Variants in GRIN2B observed in about 807,000 individuals in gnomAD.
GRIN2B encodes the protein glutamate receptor ionotropic, NMDA 2B.
In GRIN2B, 5 loss-of-function variants were observed where a neutral mutation model predicts 114.5. The ratio of observed to expected loss-of-function variants is 0.04; its 90% CI spans 0.02 to 0.09. The LOEUF (loss-of-function observed/expected upper bound fraction) is 0.09. Ranked by LOEUF, GRIN2B falls within the 10% of genes least tolerant of loss-of-function variation. The probability of loss-of-function intolerance (pLI) is 1.00; values close to 1 mark genes in which losing one functional copy is unlikely to be tolerated. For synonymous variants in GRIN2B, 787 were observed against 745.1 expected (o/e 1.06, Z -0.92); for missense variants, 1,108 against 1,943.5 (o/e 0.57, Z 8.08).
chr12:13,808,002 A>G (rs74067108), intron 3 of GRIN2B, among the ~76,000 whole-genome samples: 8,928 of 152,242 alleles, frequency 0.059, 449 homozygotes, highest in African/African-American at 0.14. Flanking sequence ...TCTAGATGAC[A>G]TTACCCACTG....
chr12:13,926,341 C>A (rs1866910326), intron 2 of GRIN2B, among the ~76,000 whole-genome samples: 1 of 152,174 alleles, frequency 6.6e-6, no homozygotes, highest in Non-Finnish European at 1.5e-5. Context: ...TATTGAATCT[C>A]GGGGCTATCG....
Position 13,607,282 on chromosome 12 carries a change from TATATATTATATAAAA to T in GRIN2B, c.2010+1306_2010+1320del, listed in dbSNP as rs1405955576. Among the ~76,000 whole-genome samples the T allele has an allele frequency of 1.4e-4, 2 of 13,964 alleles. 1 individual carries two copies. The highest frequency in any genetic ancestry group is 4.1e-4 in the African/African-American group (2 of 4,834). The allele number at this position is 13,964 out of a possible 152,430, so 9.2% of individuals were successfully genotyped here. A position where few individuals can be genotyped will look rare whatever the true frequency, so the allele number is the denominator to read the frequency against. On this transcript the variant is annotated intron_variant, in intron 10 of 13. Transcript: ENST00000609686. ...TATATATAATATATAAAATATATAA[TATATATTATATAAAA>T]ATATATATTATATATAATATAAAAT...
chr12:13,863,750 G>T (rs1250210754), intron 3 of GRIN2B, among the ~76,000 whole-genome samples: 1 of 152,128 alleles, frequency 6.6e-6, no homozygotes, highest in Non-Finnish European at 1.5e-5. Context: ...ATTTGTAAAA[G>T]GTACCAGAGA....
chr12:13,562,651 C>A lies in GRIN2B; in HGVS notation c.*132G>T. The A allele has an allele frequency of 1.2e-6, 1 of 809,504 alleles. No individual in the cohort carries two copies. Among genetic ancestry groups the A allele is most frequent in the Admixed American group, 1.9e-5 (1 of 53,876 alleles). 50.1% of individuals were successfully genotyped at this position (809,504 alleles called of 1,614,324 possible). Reference sequence around the variant, plus strand: ...CCAGTAGGAACCAGAACTCCAGGATCCCATAAATAAATTAAAACAAGAAAG... The same window carrying A: ...CCAGTAGGAACCAGAACTCCAGGATACCATAAATAAATTAAAACAAGAAAG... On this transcript the variant is annotated 3_prime_UTR_variant, in exon 14 of 14. Transcript: ENST00000609686.
At position 13,563,766 on chromosome 12, in the gene GRIN2B, G is replaced by T. The variant is rs1179858347; in HGVS notation, c.3472C>A (p.Arg1158=). ...GAGTCGCGCTTAAAGTCATCACTCC[G>T]CTCCTTGTAGATGTCGGTCAGGTCT... ...HVDLTDIYKE[R]SDDFKRDSVS... Residue 1158 remains arginine (R), a synonymous_variant, in exon 14 of 14, where the codon CGG becomes AGG. Coordinates refer to ENST00000609686, the MANE Select transcript of GRIN2B (RefSeq NM_000834.5). The T allele has an allele frequency of 6.2e-7, 1 of 1,613,844 alleles. No homozygotes were observed. Among genetic ancestry groups the T allele is most frequent in the South Asian group, 1.1e-5 (1 of 91,088 alleles).
intron 2 of GRIN2B, among the ~76,000 whole-genome samples, chr12:13,891,168 T>C (rs955326243): frequency 6.6e-6 from 1 of 152,232 alleles, no homozygotes; most frequent in Non-Finnish European, 1.5e-5. Flanking sequence ...TTATTTTACA[T>C]ACTTGAAGAC....
At chr12:13,565,882 C>T (rs1325309962) in intron 13 of GRIN2B, among the ~76,000 whole-genome samples, 1 of 152,192 alleles carries the variant, frequency 6.6e-6, no homozygotes, top group Non-Finnish European at 1.5e-5. Context: ...CCCAGTTCTT[C>T]TAACCCTTCC....
chr12:13,849,883 A>G (rs962263112), intron 3 of GRIN2B, among the ~76,000 whole-genome samples: 16 of 152,122 alleles, frequency 1.1e-4, no homozygotes, highest in African/African-American at 3.9e-4. Flanking sequence ...TGATAAATTT[A>G]CTTCTCTCAT....
At chr12:13,691,397 T>C (rs1279299609) in intron 4 of GRIN2B, among the ~76,000 whole-genome samples, 2 of 152,154 alleles carry the variant, frequency 1.3e-5, no homozygotes, top group Non-Finnish European at 2.9e-5. Flanking sequence ...ATCAGAAAGG[T>C]ATTATGAATA....
At chr12:13,855,454 G>A (rs919787036) in intron 3 of GRIN2B, among the ~76,000 whole-genome samples, 1 of 152,068 alleles carries the variant, frequency 6.6e-6, no homozygotes, top group Admixed American at 6.6e-5. Context: ...GAAGACTCGG[G>A]GGCTTAAAAC....
At chr12:13,819,339 G>A (rs1864888451) in intron 3 of GRIN2B, among the ~76,000 whole-genome samples, 1 of 152,104 alleles carries the variant, frequency 6.6e-6, no homozygotes, top group Non-Finnish European at 1.5e-5. Context: ...GTGGTATTTT[G>A]TTACCGGGGC....
chr12:13,715,355 A>T (rs1950445896), intron 4 of GRIN2B, among the ~76,000 whole-genome samples: 1 of 151,900 alleles, frequency 6.6e-6, no homozygotes, highest in South Asian at 2.1e-4. Flanking sequence ...TTATTGCACC[A>T]TTAGGCTGAG....
intron 5 of GRIN2B, chr12:13,634,350 T>A (rs1949646397): frequency 6.6e-6 from 1 of 152,196 alleles, no homozygotes; most frequent in Admixed American, 6.5e-5. Context: ...CTGTGAAATG[T>A]ATTATAATTC....
intron 3 of GRIN2B, among the ~76,000 whole-genome samples, chr12:13,799,202 G>A (rs2300268): frequency 0.043 from 6,539 of 152,200 alleles, 203 homozygotes; most frequent in African/African-American, 0.092. Flanking sequence ...CATGGCCACT[G>A]ATGTAACTGA....
In GRIN2B at chr12:13,977,704, G is replaced by T. The variant is rs547926128; in HGVS notation, c.-19+2224C>A. On this transcript the variant is annotated intron_variant, in intron 2 of 13. Transcript: ENST00000609686. ...GGGCGAGAACAAAGGCCCTGAGATG[G>T]CTCAGAGCACCACTGAGTCACAGCC... Among the ~76,000 whole-genome samples the T allele has an allele frequency of 3.9e-5, 6 of 152,206 alleles. No homozygotes were observed. The South Asian group carries it at 1.2e-3, about 32-fold the overall frequency.
intron 2 of GRIN2B, among the ~76,000 whole-genome samples, chr12:13,878,642 A>G (rs1866026982): frequency 6.6e-6 from 1 of 152,136 alleles, no homozygotes. Context: ...GCAAGACCTG[A>G]ATTCTGCCAC....
At chr12:13,768,719 G>A (rs1017921972) in intron 3 of GRIN2B, among the ~76,000 whole-genome samples, 5 of 152,134 alleles carry the variant, frequency 3.3e-5, no homozygotes, top group Non-Finnish European at 7.3e-5. Context: ...CTTTGCTCCT[G>A]CTAATTAAAA....
chr12:13,639,446 C>T (rs563740716), intron 5 of GRIN2B, among the ~76,000 whole-genome samples: 48 of 152,232 alleles, frequency 3.2e-4, no homozygotes, highest in Middle Eastern at 3.4e-3. Context: ...TTTTCATACC[C>T]GAAGACCATT....
chr12:13,799,646 C>T (rs939220100), intron 3 of GRIN2B, among the ~76,000 whole-genome samples: 3 of 151,832 alleles, frequency 2.0e-5, no homozygotes, highest in African/African-American at 7.3e-5. Flanking sequence ...CATTATGGGT[C>T]TATTTAAAAT....
Sources: gnomAD v4.1 joint callset for allele counts (sites outside exome capture counted in the v4.1 genomes callset) on GRCh38, gnomAD v4.1.1 for gene constraint, MANE v1.5 for transcripts, NCBI Gene and HGNC (gene_info 2026-07-23, HGNC 2026-07-21) for gene names.